The following SRGAP1 variants were observed in gnomAD, a reference collection of about 807,000 sequenced individuals.
SRGAP1 encodes the protein SLIT-ROBO Rho GTPase activating protein 1.
A neutral mutation model predicts 121.9 loss-of-function variants in SRGAP1; 43 were observed. The ratio of observed to expected loss-of-function variants is 0.35; its 90% CI spans 0.28 to 0.46. The LOEUF (loss-of-function observed/expected upper bound fraction) is 0.46. Ranked by LOEUF, SRGAP1 falls within the 20% of genes least tolerant of loss-of-function variation. The pLI is 1.00. For synonymous variants in SRGAP1, 447 were observed against 485.4 expected, an observed-to-expected ratio of 0.92 and a Z score of 1.04; for missense variants, 1,102 against 1,350.9, an observed-to-expected ratio of 0.82 and a Z score of 2.89.
intron 8 of SRGAP1, among the ~76,000 whole-genome samples, chr12:64,071,567 T>C (rs1209436481): frequency 6.6e-6 from 1 of 152,116 alleles, no homozygotes; most frequent in Non-Finnish European, 1.5e-5. Flanking sequence ...AGAAATTGAT[T>C]TGAGATCATG....
chr12:64,144,677 T>G lies in SRGAP1; in HGVS notation c.*2005T>G, dbSNP rs977883529. 9.9e-5 allele frequency: 15 copies of G among 152,106 alleles called. No individual in the cohort carries two copies. The highest frequency in any genetic ancestry group is 2.2e-4 in the Non-Finnish European group (15 of 68,058). The allele number at this position is 152,106 out of a possible 1,614,324, so 9.4% of individuals were successfully genotyped here. On this transcript the variant is annotated 3_prime_UTR_variant, in exon 22 of 22. Coordinates refer to ENST00000355086, the MANE Select transcript of SRGAP1 (RefSeq NM_020762.4). ...TGAAAAAGAAGCCCAGGACAGCACC[T>G]TGTCTAGCCCCTCCCCATTTCTCCT...
At chr12:64,002,776 G>A (rs914724861) in intron 3 of SRGAP1, among the ~76,000 whole-genome samples, 4 of 152,028 alleles carry the variant, frequency 2.6e-5, no homozygotes, top group African/African-American at 7.2e-5. Context: ...TTTGTATTCC[G>A]AATCCAACCA....
rs1313364432 is a variant in SRGAP1 at position 64,029,230 on chromosome 12, C to T, written c.489+12218C>T. 4.6e-5 allele frequency among the ~76,000 whole-genome samples: 7 copies of T among 152,266 alleles called. No homozygotes were observed. The East Asian group carries it at 1.4e-3, about 29-fold the overall frequency. On this transcript the variant is annotated intron_variant, in intron 4 of 21. Coordinates refer to ENST00000355086, the MANE Select transcript of SRGAP1 (RefSeq NM_020762.4). ...AGAATTTGTGGAATGCAGTTACTCCCCATTTGGCCAAAATCTCAGAATTTG... is the reference window on the plus strand; with the variant it reads ...AGAATTTGTGGAATGCAGTTACTCCTCATTTGGCCAAAATCTCAGAATTTG...
At chr12:63,848,494 C>T (rs879421663) in intron 1 of SRGAP1, among the ~76,000 whole-genome samples, 2 of 151,648 alleles carry the variant, frequency 1.3e-5, no homozygotes, top group African/African-American at 4.8e-5. Flanking sequence ...CTCTGGGTTT[C>T]GGTTTTCTTA....
At chr12:64,114,918 A>G (rs1020056725) in intron 17 of SRGAP1, among the ~76,000 whole-genome samples, 27 of 152,220 alleles carry the variant, frequency 1.8e-4, no homozygotes, top group African/African-American at 6.5e-4. Context: ...CCCCAACATC[A>G]GAAATGTAAA....
intron 1 of SRGAP1, among the ~76,000 whole-genome samples, chr12:63,876,177 CAAG>C (rs1396200137): frequency 6.6e-6 from 1 of 152,006 alleles, no homozygotes; most frequent in Non-Finnish European, 1.5e-5. Flanking sequence ...TTTTTGGAAA[CAAG>C]AAATTAAGAA....
At position 64,150,304 on chromosome 12, in the gene SRGAP1, G is replaced by A. The variant is rs144471205; in HGVS notation, c.*7632G>A. On this transcript the variant is annotated 3_prime_UTR_variant, in exon 22 of 22. Coordinates refer to ENST00000355086, the MANE Select transcript of SRGAP1 (RefSeq NM_020762.4). ...TCTAGGATATTTGCGATCCAATTCT[G>A]GCGACTTATGGATGGATCCTTCACA... is the stretch of plus-strand genomic sequence containing the variant. 3.3e-5 allele frequency: 5 copies of A among 152,268 alleles called. No homozygotes were observed. Among genetic ancestry groups the A allele is most frequent in the Non-Finnish European group, 7.3e-5 (5 of 68,032 alleles). The allele number at this position is 152,268 out of a possible 1,614,324, so 9.4% of individuals were successfully genotyped here. A position where few individuals can be genotyped will look rare whatever the true frequency, so the allele number is the denominator to read the frequency against.
chr12:64,094,414 G>A (rs1364623289), intron 12 of SRGAP1, among the ~76,000 whole-genome samples: 2 of 152,106 alleles, frequency 1.3e-5, no homozygotes, highest in Admixed American at 6.5e-5. Flanking sequence ...AAATCTGTAA[G>A]TTCTGATGCA....
chr12:64,086,919 C>G, intron 10 of SRGAP1, 80 bp from the exon 11 acceptor site: 1 of 1,015,854 alleles, frequency 9.8e-7, no homozygotes, highest in Non-Finnish European at 1.5e-6. Context: ...TTTAAAATAC[C>G]GGATAGGAGA....
chr12:64,096,018 G>A (rs189017777), intron 14 of SRGAP1, among the ~76,000 whole-genome samples: 124 of 152,194 alleles, frequency 8.1e-4, no homozygotes, highest in African/African-American at 2.8e-3. Context: ...ATTTGGCCTC[G>A]ATTTCCTCAC....
intron 1 of SRGAP1, among the ~76,000 whole-genome samples, chr12:63,930,376 T>C (rs541678242): frequency 8.1e-5 from 11 of 135,568 alleles, no homozygotes; most frequent in African/African-American, 3.0e-4. Context: ...TTTATTCAAA[T>C]CATTTTTTTT....
In SRGAP1 at chr12:64,159,136, T is replaced by A. The variant is rs535742121; in HGVS notation, c.*16464T>A. On this transcript the variant is annotated 3_prime_UTR_variant, in exon 22 of 22. Transcript: ENST00000355086. ...GAGTTCAAGACCAGCCTGGGCAACATAGCAAGACCCCATCCCTACAAAACA... is the reference window on the plus strand; with the variant it reads ...GAGTTCAAGACCAGCCTGGGCAACAAAGCAAGACCCCATCCCTACAAAACA... The A allele has an allele frequency of 6.6e-6, 1 of 152,106 alleles. No individual in the cohort carries two copies. The highest frequency in any genetic ancestry group is 2.4e-5 in the African/African-American group (1 of 41,242). The allele number at this position is 152,106 out of a possible 1,614,324, so 9.4% of individuals were successfully genotyped here.
At chr12:63,884,027 T>C (rs1428660680) in intron 1 of SRGAP1, among the ~76,000 whole-genome samples, 2 of 62,910 alleles carry the variant, frequency 3.2e-5, no homozygotes, top group Non-Finnish European at 6.0e-5. Flanking sequence ...CTCACGCCTG[T>C]AATCCCAGCA....
rs2037114596 is a variant in SRGAP1, at chr12:64,150,960, A to AAAAAAAAAAAAT, written c.*8288_*8289insAAAAAAAAAAAT. On this transcript the variant is annotated 3_prime_UTR_variant, in exon 22 of 22. Transcript: ENST00000355086. ...AAAAAAAAAAAAAAAAAAAAAAAAAACATGGTCAAGATTTGTAATAGAAAT... is the reference window on the plus strand; with the variant it reads ...AAAAAAAAAAAAAAAAAAAAAAAAAAAAAAAAAAAAATCATGGTCAAGATTTGTAATAGAAAT... 1 of 147,000 alleles carries AAAAAAAAAAAAT rather than the reference A, an allele frequency of 6.8e-6. No homozygotes were observed. The highest frequency in any genetic ancestry group is 2.6e-5 in the African/African-American group (1 of 38,874). 9.1% of individuals were successfully genotyped at this position (147,000 alleles called of 1,614,324 possible).
At chr12:63,914,115 A>G (rs971777784) in intron 1 of SRGAP1, among the ~76,000 whole-genome samples, 2 of 152,206 alleles carry the variant, frequency 1.3e-5, no homozygotes, top group African/African-American at 4.8e-5. Context: ...AACCATTTTC[A>G]TACCTATCAC....
chr12:64,099,472 C>T (rs1370862584), intron 15 of SRGAP1, among the ~76,000 whole-genome samples: 1 of 152,058 alleles, frequency 6.6e-6, no homozygotes, highest in African/African-American at 2.4e-5. Flanking sequence ...AAGATTCCAC[C>T]ACGAGTTCTT....
chr12:64,095,316 T>A (rs1401644031), intron 14 of SRGAP1, 112 bp downstream of exon 14: 5 of 844,736 alleles, frequency 5.9e-6, no homozygotes, highest in Non-Finnish European at 9.6e-6. Flanking sequence ...TTGTATGTAC[T>A]GCATTAGGGG....
chr12:63,858,838 G>T (rs1481271665), intron 1 of SRGAP1, among the ~76,000 whole-genome samples: 3 of 152,112 alleles, frequency 2.0e-5, no homozygotes, highest in Non-Finnish European at 4.4e-5. Context: ...AAGTAGCTGG[G>T]TTTACGGGTG....
chr12:64,066,456 T>G (rs1298609115), intron 8 of SRGAP1, among the ~76,000 whole-genome samples: 1 of 152,092 alleles, frequency 6.6e-6, no homozygotes, highest in African/African-American at 2.4e-5. Context: ...GACAGACAAT[T>G]CCCAAAAGAA....
Sources: allele counts gnomAD v4.1 joint callset (sites outside exome capture counted in the v4.1 genomes callset), GRCh38; gene constraint gnomAD v4.1.1; transcripts MANE v1.5; gene names NCBI Gene and HGNC (gene_info 2026-07-23, HGNC 2026-07-21).